The following ANKRD11 variants were observed in gnomAD, a reference collection of about 807,000 sequenced individuals.
ANKRD11 encodes ankyrin repeat domain 11.
ANKRD11 carries 17 observed loss-of-function variants against 195.7 expected under a neutral mutation model. The ratio of observed to expected loss-of-function variants is 0.09; its 90% CI spans 0.06 to 0.13. The LOEUF (loss-of-function observed/expected upper bound fraction) is 0.13, where lower values mean the gene tolerates loss of function less well. Among genes scored for constraint, ANKRD11 ranks in the 10% least tolerant of loss-of-function variants. ANKRD11 has a pLI of 1.00. For synonymous variants in ANKRD11, 1,953 were observed against 1,528.1 expected, an observed-to-expected ratio of 1.28 and a Z score of -6.49; for missense variants, 3,735 against 3,566.1, an observed-to-expected ratio of 1.05 and a Z score of -1.21.
At chr16:89,338,452 G>A (rs1164854106) in intron 2 of ANKRD11, among the ~76,000 whole-genome samples, 2 of 149,648 alleles carry the variant, frequency 1.3e-5, no homozygotes, top group Non-Finnish European at 3.0e-5. Flanking sequence ...AAAGGACCAG[G>A]CGCTGTGGCT....
chr16:89,284,391 T>G lies in ANKRD11; in HGVS notation c.2151A>C (p.Ser717=). The change falls in exon 9 of 13, where the codon TCA becomes TCC. Residue 717 remains serine, a synonymous_variant. Transcript: ENST00000301030. ...TGTTTGTGTCTTTGATTCTCTTCAGTGATTTTTCATCTTTAAAGAGCCATT... is the reference window on the plus strand; with the variant it reads ...TGTTTGTGTCTTTGATTCTCTTCAGGGATTTTTCATCTTTAAAGAGCCATT... ...EKEWLFKDEK[S]LKRIKDTNKD... is the part of the protein sequence containing the mutation. 1 of 1,613,876 alleles carries G rather than the reference T, an allele frequency of 6.2e-7. No individual in the cohort carries two copies. Among genetic ancestry groups the G allele is most frequent in the Non-Finnish European group, 8.5e-7 (1 of 1,180,016 alleles).
At chr16:89,343,042 C>T (rs1013386829) in intron 2 of ANKRD11, among the ~76,000 whole-genome samples, 4 of 152,300 alleles carry the variant, frequency 2.6e-5, no homozygotes, top group South Asian at 2.1e-4. Context: ...TTATTTGAGA[C>T]GCAGTCTTGC....
At chr16:89,319,174 T>C (rs73253776) in intron 2 of ANKRD11, among the ~76,000 whole-genome samples, 21,403 of 152,300 alleles carry the variant, frequency 0.14, 1,596 homozygotes, top group Admixed American at 0.19. Context: ...TGTGAGTCTG[T>C]GGCCCACGGA....
chr16:89,437,785 C>T (rs540683369), intron 1 of ANKRD11, among the ~76,000 whole-genome samples: 1 of 152,310 alleles, frequency 6.6e-6, no homozygotes, highest in South Asian at 2.1e-4. Flanking sequence ...CTCTCCACTA[C>T]TCCTAATGCC....
At chr16:89,417,015 C>A (rs370847505) in intron 2 of ANKRD11, among the ~76,000 whole-genome samples, 1 of 152,274 alleles carries the variant, frequency 6.6e-6, no homozygotes, top group East Asian at 1.9e-4. Flanking sequence ...GCCCACTACC[C>A]AGGCTGGCTT....
chr16:89,441,023 G>T (rs1034534868), intron 1 of ANKRD11, among the ~76,000 whole-genome samples: 1 of 152,144 alleles, frequency 6.6e-6, no homozygotes, highest in Non-Finnish European at 1.5e-5. Flanking sequence ...AGATCATGAG[G>T]TCAGGAGATC....
At chr16:89,311,833 T>A (rs1197165434) in intron 3 of ANKRD11, among the ~76,000 whole-genome samples, 1 of 152,140 alleles carries the variant, frequency 6.6e-6, no homozygotes, top group Non-Finnish European at 1.5e-5. Flanking sequence ...GCTTTTTCTT[T>A]CTTAAAGTGG....
rs752757557 is a variant in ANKRD11 at position 89,282,901 on chromosome 16, G to A, written c.3641C>T (p.Thr1214Ile). ...GTCCTTCCTGTCCTTGTACTTTTCT[G>A]TGGACTCTTTATCCTTCTTCTCCTT... ...KHKEKKDKES[T>I]EKYKDRKDRA... Residue 1214 changes from threonine (T) to isoleucine (I), a missense_variant, in exon 9 of 13, where the codon ACA becomes ATA. By Grantham distance (89) the Thr-to-Ile change is moderately conservative (BLOSUM62 -1). Coordinates refer to ENST00000301030, the MANE Select transcript of ANKRD11 (RefSeq NM_013275.6). The A allele has an allele frequency of 2.8e-5, 45 of 1,612,710 alleles. No homozygotes were observed. Among genetic ancestry groups the A allele is most frequent in the Non-Finnish European group, 3.7e-5 (44 of 1,179,934 alleles).
chr16:89,426,164 A>G (rs1477547084), intron 1 of ANKRD11, among the ~76,000 whole-genome samples: 1 of 152,190 alleles, frequency 6.6e-6, no homozygotes, highest in Non-Finnish European at 1.5e-5. Context: ...GAATGGCAAA[A>G]ACAATTCGTG....
At chr16:89,319,739 GCCCAGGCTACACCT>G (rs2037188313) in intron 2 of ANKRD11, among the ~76,000 whole-genome samples, 1 of 152,232 alleles carries the variant, frequency 6.6e-6, no homozygotes, top group African/African-American at 2.4e-5. Flanking sequence ...CTGCCATCTA[GCCCAGGCTACACCT>G]CCCAGGACCC....
At chr16:89,332,940 C>T (rs767140382) in intron 2 of ANKRD11, among the ~76,000 whole-genome samples, 5 of 152,236 alleles carry the variant, frequency 3.3e-5, no homozygotes, top group Admixed American at 2.6e-4. Flanking sequence ...ACTCAAGAAA[C>T]GAGCTGCAAC....
At chr16:89,475,923 G>C (rs995989550) in intron 1 of ANKRD11, among the ~76,000 whole-genome samples, 10 of 152,060 alleles carry the variant, frequency 6.6e-5, no homozygotes, top group African/African-American at 2.4e-4. Context: ...GTGGTGGTGG[G>C]CACCTGTAGT....
At chr16:89,308,612 G>T (rs778783088) in intron 3 of ANKRD11, among the ~76,000 whole-genome samples, 3 of 152,218 alleles carry the variant, frequency 2.0e-5, no homozygotes, top group Non-Finnish European at 4.4e-5. Flanking sequence ...GCAGACCCCA[G>T]CAAACGCCCG....
At chr16:89,304,833 G>A (rs2036082007) in intron 4 of ANKRD11, among the ~76,000 whole-genome samples, 1 of 152,218 alleles carries the variant, frequency 6.6e-6, no homozygotes, top group African/African-American at 2.4e-5. Context: ...TACAAGCAAT[G>A]GAGTTTCTTC....
chr16:89,342,906 A>C (rs1288279577), intron 2 of ANKRD11, among the ~76,000 whole-genome samples: 2 of 152,246 alleles, frequency 1.3e-5, no homozygotes, highest in East Asian at 1.9e-4. Flanking sequence ...AATGAAAAGA[A>C]GGCTCATATC....
intron 1 of ANKRD11, among the ~76,000 whole-genome samples, chr16:89,454,377 G>A (rs1293363127): frequency 6.6e-6 from 1 of 152,184 alleles, no homozygotes; most frequent in African/African-American, 2.4e-5. Flanking sequence ...ACTGCAGGTT[G>A]CAAATCTTAC....
chr16:89,462,539 G>A (rs1472801494), intron 1 of ANKRD11, among the ~76,000 whole-genome samples: 1 of 151,648 alleles, frequency 6.6e-6, no homozygotes, highest in African/African-American at 2.4e-5. Context: ...CATCATCTGG[G>A]ATGTGAGGAG....
chr16:89,412,854 C>A (rs773297961), intron 2 of ANKRD11, among the ~76,000 whole-genome samples: 11 of 152,294 alleles, frequency 7.2e-5, no homozygotes, highest in Non-Finnish European at 1.3e-4. Flanking sequence ...CTCAGTCCCC[C>A]AGCAGGACCT....
At chr16:89,403,127 T>C (rs992055431) in intron 2 of ANKRD11, among the ~76,000 whole-genome samples, 1 of 152,168 alleles carries the variant, frequency 6.6e-6, no homozygotes, top group African/African-American at 2.4e-5. Flanking sequence ...CAGCGTGACG[T>C]GCCCTCGTGC....
Sources: gnomAD v4.1 joint callset for allele counts (sites outside exome capture counted in the v4.1 genomes callset) on GRCh38, gnomAD v4.1.1 for gene constraint, MANE v1.5 for transcripts, NCBI Gene and HGNC (gene_info 2026-07-23, HGNC 2026-07-21) for gene names.